Variants in ZNRF1 observed in about 807,000 individuals in gnomAD.
ZNRF1 encodes the protein zinc and ring finger 1.
In ZNRF1, 3 loss-of-function variants were observed where a neutral mutation model predicts 18.4. That is an observed-to-expected ratio of 0.16 (90% CI 0.07 to 0.42). The LOEUF (loss-of-function observed/expected upper bound fraction) is 0.42, where lower values mean the gene tolerates loss of function less well. Among genes scored for constraint, ZNRF1 ranks in the 10% least tolerant of loss-of-function variants. The pLI is 0.99. For synonymous variants in ZNRF1, 157 were observed against 144.2 expected, an observed-to-expected ratio of 1.09 and a Z score of -0.64; for missense variants, 310 against 329.8, an observed-to-expected ratio of 0.94 and a Z score of 0.47.
chr16:75,058,720 G>T (rs78959849), intron 1 of ZNRF1, among the ~76,000 whole-genome samples: 208 of 152,286 alleles, frequency 1.4e-3, no homozygotes, highest in African/African-American at 4.6e-3. Flanking sequence ...CTAGGTGGAG[G>T]GTAGATGGCA....
At chr16:75,028,601 A>G (rs991722077) in intron 1 of ZNRF1, among the ~76,000 whole-genome samples, 3 of 152,212 alleles carry the variant, frequency 2.0e-5, no homozygotes, top group East Asian at 1.9e-4. Flanking sequence ...GGCCCCTGCT[A>G]CTTCTTTTAA....
intron 2 of ZNRF1, chr16:75,104,270 G>C (rs1394421032): frequency 6.6e-6 from 1 of 152,618 alleles, no homozygotes; most frequent in African/African-American, 2.4e-5. Context: ...GCAGTTTGTA[G>C]ACACTGGGTT....
chr16:75,101,564 C>A (rs995967813), intron 2 of ZNRF1, among the ~76,000 whole-genome samples: 4 of 152,020 alleles, frequency 2.6e-5, no homozygotes, highest in South Asian at 2.1e-4. Context: ...AGAGAGAGAA[C>A]GCCCCTATTA....
chr16:75,035,264 G>C (rs1368950320), intron 1 of ZNRF1, among the ~76,000 whole-genome samples: 1 of 152,006 alleles, frequency 6.6e-6, no homozygotes, highest in Non-Finnish European at 1.5e-5. Context: ...CAACTCCTGG[G>C]CTCAAGTGAT....
intron 1 of ZNRF1, among the ~76,000 whole-genome samples, chr16:75,015,451 T>A (rs1290443377): frequency 6.6e-6 from 1 of 152,170 alleles, no homozygotes; most frequent in Admixed American, 6.5e-5. Flanking sequence ...GGCACATGCT[T>A]GTAATCCCAG....
At chr16:75,077,399 G>T (rs1022340772) in intron 1 of ZNRF1, among the ~76,000 whole-genome samples, 1 of 152,216 alleles carries the variant, frequency 6.6e-6, no homozygotes, top group African/African-American at 2.4e-5. Flanking sequence ...AGGCGTGGTG[G>T]TGTATGCCTG....
At chr16:75,080,555 A>G (rs2035997439) in intron 1 of ZNRF1, among the ~76,000 whole-genome samples, 1 of 152,090 alleles carries the variant, frequency 6.6e-6, no homozygotes, top group African/African-American at 2.4e-5. Flanking sequence ...GAAATCAACT[A>G]TTGGTCCTGT....
intron 1 of ZNRF1, among the ~76,000 whole-genome samples, chr16:75,093,160 G>A (rs1395065854): frequency 2.6e-5 from 4 of 152,152 alleles, no homozygotes; most frequent in African/African-American, 9.7e-5. Context: ...CGAGGCGGGT[G>A]AATCACCTGA....
chr16:75,097,579 A>G (rs1056707696), intron 2 of ZNRF1, among the ~76,000 whole-genome samples: 7 of 152,182 alleles, frequency 4.6e-5, no homozygotes, highest in African/African-American at 1.7e-4. Flanking sequence ...TGTAATCCCA[A>G]CACTTTGGGG....
chr16:75,018,759 A>AT (rs796920501), intron 1 of ZNRF1, among the ~76,000 whole-genome samples: 2 of 152,194 alleles, frequency 1.3e-5, no homozygotes, highest in Admixed American at 6.5e-5. Context: ...GTTGTGATGT[A>AT]TTTTTTTAAT....
At chr16:75,090,178 G>C (rs1317843552) in intron 1 of ZNRF1, among the ~76,000 whole-genome samples, 1 of 152,168 alleles carries the variant, frequency 6.6e-6, no homozygotes, top group Non-Finnish European at 1.5e-5. Flanking sequence ...AGGGACTTAG[G>C]CTGGATCGGA....
intron 1 of ZNRF1, among the ~76,000 whole-genome samples, chr16:75,019,618 G>A (rs2035118077): frequency 6.6e-6 from 1 of 152,158 alleles, no homozygotes; most frequent in Admixed American, 6.5e-5. Flanking sequence ...AAATAAAAAT[G>A]TTGGGTGAAG....
Position 75,062,161 on chromosome 16 carries a change from C to CT in ZNRF1, c.425-31408dup, listed in dbSNP as rs2035751884. ...GAATCGAGACAACTTACAGAACTTG[C>CT]TTTGACAGAGCTGTTCCAGCTCATT... On this transcript the variant is annotated intron_variant, in intron 1 of 4. Transcript: ENST00000335325. Among the ~76,000 whole-genome samples the CT allele has an allele frequency of 2.0e-5, 3 of 152,186 alleles. No individual in the cohort carries two copies. The East Asian group carries it at 5.8e-4, about 29-fold the overall frequency.
At chr16:75,063,586 C>A (rs968772802) in intron 1 of ZNRF1, among the ~76,000 whole-genome samples, 3 of 152,184 alleles carry the variant, frequency 2.0e-5, no homozygotes, top group Non-Finnish European at 4.4e-5. Flanking sequence ...CCTTGATCTA[C>A]TCTTAAAAGT....
At chr16:75,100,836 A>G (rs1297059577) in intron 2 of ZNRF1, among the ~76,000 whole-genome samples, 2 of 152,232 alleles carry the variant, frequency 1.3e-5, no homozygotes, top group Admixed American at 6.5e-5. Flanking sequence ...GAATGTCTGC[A>G]TGACGACTCT....
intron 1 of ZNRF1, among the ~76,000 whole-genome samples, chr16:75,041,937 A>G (rs1182791946): frequency 1.3e-5 from 2 of 152,092 alleles, no homozygotes; most frequent in Non-Finnish European, 2.9e-5. Flanking sequence ...CGGAGGTCGC[A>G]GTGAGCTGAG....
chr16:75,023,275 G>T (rs2035177650), intron 1 of ZNRF1, among the ~76,000 whole-genome samples: 3 of 152,082 alleles, frequency 2.0e-5, no homozygotes, highest in African/African-American at 7.2e-5. Flanking sequence ...AACAGTTAAA[G>T]ATTCTCAAGA....
intron 1 of ZNRF1, among the ~76,000 whole-genome samples, chr16:75,062,354 G>A (rs1367732000): frequency 6.6e-6 from 1 of 152,262 alleles, no homozygotes; most frequent in Non-Finnish European, 1.5e-5. Flanking sequence ...AGGCAGCTGA[G>A]AAGTTTCCAT....
intron 1 of ZNRF1, among the ~76,000 whole-genome samples, chr16:75,087,156 C>G (rs1050830774): frequency 6.0e-4 from 91 of 152,256 alleles, no homozygotes; most frequent in African/African-American, 2.0e-3. Context: ...ACCAGTTGCC[C>G]CCATCCTTCC....
Sources: gnomAD v4.1 joint callset for allele counts (sites outside exome capture counted in the v4.1 genomes callset) on GRCh38, gnomAD v4.1.1 for gene constraint, MANE v1.5 for transcripts, NCBI Gene and HGNC (gene_info 2026-07-23, HGNC 2026-07-21) for gene names.